RBFOX1: variants seen among roughly 807,000 people sequenced by gnomAD.
The protein encoded by RBFOX1 is RNA binding fox-1 homolog 1.
RBFOX1 carries 8 observed loss-of-function variants against 57.7 expected under a neutral mutation model. That is an observed-to-expected ratio of 0.14 (90% CI 0.08 to 0.25). RBFOX1 has a LOEUF of 0.25. Among genes scored for constraint, RBFOX1 ranks in the 10% least tolerant of loss-of-function variants. The pLI, the probability that RBFOX1 is intolerant of heterozygous loss-of-function variation, is 1.00. For synonymous variants in RBFOX1, 326 were observed against 222.4 expected (o/e 1.47, Z -4.15); for missense variants, 611 against 548.5 (o/e 1.11, Z -1.14).
At chr16:6,634,034 T>C (rs889948683) in intron 2 of RBFOX1, among the ~76,000 whole-genome samples, 1 of 152,042 alleles carries the variant, frequency 6.6e-6, no homozygotes, top group Non-Finnish European at 1.5e-5. Flanking sequence ...CCAGGCTTTG[T>C]GTAAACCGAT....
chr16:6,878,376 G>A (rs2062237683), intron 3 of RBFOX1, among the ~76,000 whole-genome samples: 1 of 152,132 alleles, frequency 6.6e-6, no homozygotes, highest in Non-Finnish European at 1.5e-5. Flanking sequence ...TTATCTCTCT[G>A]ATATGGTGGC....
intron 4 of RBFOX1, among the ~76,000 whole-genome samples, chr16:7,444,880 G>A (rs1223023806): frequency 6.6e-6 from 1 of 152,156 alleles, no homozygotes; most frequent in East Asian, 1.9e-4. Context: ...CTGGGTGAAT[G>A]CAGATAGATA....
intron 1 of RBFOX1, among the ~76,000 whole-genome samples, chr16:6,307,781 T>C (rs1316910535): frequency 6.8e-6 from 1 of 147,290 alleles, no homozygotes; most frequent in Non-Finnish European, 1.5e-5. Flanking sequence ...TTTATATGTT[T>C]ATTTAGATTG....
chr16:7,462,407 C>T (rs1032872750), intron 4 of RBFOX1, among the ~76,000 whole-genome samples: 1 of 152,224 alleles, frequency 6.6e-6, no homozygotes, highest in Non-Finnish European at 1.5e-5. Flanking sequence ...AGGAGAATCA[C>T]TTAAACCCAG....
At chr16:6,367,681 A>T (rs2089853206) in intron 2 of RBFOX1, among the ~76,000 whole-genome samples, 1 of 151,936 alleles carries the variant, frequency 6.6e-6, no homozygotes. Flanking sequence ...TTGCTTTCAT[A>T]GGATGGGAGC....
chr16:6,807,922 A>G (rs955204792), intron 3 of RBFOX1, among the ~76,000 whole-genome samples: 8 of 151,132 alleles, frequency 5.3e-5, no homozygotes, highest in African/African-American at 1.9e-4. Context: ...GTGTATATAT[A>G]TATAGGGTAT....
chr16:5,637,761 C>T (rs1260720433), intron 3 of RBFOX1, among the ~76,000 whole-genome samples: 3 of 152,124 alleles, frequency 2.0e-5, no homozygotes, highest in African/African-American at 7.2e-5. Flanking sequence ...GAAGAGAGAG[C>T]TCACATTCCC....
At chr16:7,172,861 G>C (rs578229402) in intron 4 of RBFOX1, among the ~76,000 whole-genome samples, 1 of 152,138 alleles carries the variant, frequency 6.6e-6, no homozygotes. Context: ...TGGGGAGATG[G>C]TTATCTGCCT....
intron 5 of RBFOX1, among the ~76,000 whole-genome samples, chr16:7,553,991 C>G (rs2087460253): frequency 6.6e-6 from 1 of 152,114 alleles, no homozygotes; most frequent in African/African-American, 2.4e-5. Context: ...CACTTGTAAC[C>G]CAAGCACTTT....
At chr16:7,232,379 G>T (rs72767326) in intron 4 of RBFOX1, among the ~76,000 whole-genome samples, 12,161 of 152,190 alleles carry the variant, frequency 0.08, 499 homozygotes, top group Non-Finnish European at 0.084. Flanking sequence ...GGCAAAAGAT[G>T]CCTATGTCTT....
intron 4 of RBFOX1, among the ~76,000 whole-genome samples, chr16:7,079,058 C>T (rs1365086644): frequency 6.6e-6 from 1 of 151,744 alleles, no homozygotes; most frequent in Middle Eastern, 3.2e-3. Context: ...CATGGTTCAA[C>T]TCATGACAGC....
chr16:7,476,497 A>G (rs2062737862), intron 4 of RBFOX1, among the ~76,000 whole-genome samples: 1 of 152,238 alleles, frequency 6.6e-6, no homozygotes, highest in Non-Finnish European at 1.5e-5. Flanking sequence ...TAGATGGTAT[A>G]ACTTGCCCAG....
At chr16:6,280,720 A>G (rs78289671) in intron 1 of RBFOX1, among the ~76,000 whole-genome samples, 1 of 152,058 alleles carries the variant, frequency 6.6e-6, no homozygotes, top group Non-Finnish European at 1.5e-5. Flanking sequence ...GGTTGGAAAC[A>G]TCACGGTTTA....
At chr16:7,221,962 C>G (rs139107327) in intron 4 of RBFOX1, among the ~76,000 whole-genome samples, 68 of 152,300 alleles carry the variant, frequency 4.5e-4, no homozygotes, top group African/African-American at 1.5e-3. Context: ...AAGTCTTGGT[C>G]TGCTTCTGTG....
chr16:7,579,748 A>T (rs773101680), intron 5 of RBFOX1, 29 bp from the exon 6 acceptor site: 71 of 1,613,598 alleles, frequency 4.4e-5, no homozygotes, highest in Non-Finnish European at 5.8e-5. Flanking sequence ...TCCACTGAGA[A>T]CCTCTTCGGT....
intron 3 of RBFOX1, among the ~76,000 whole-genome samples, chr16:6,900,961 A>G (rs747158561): frequency 6.6e-6 from 1 of 152,194 alleles, no homozygotes; most frequent in Admixed American, 6.5e-5. Context: ...TGTGAATGCC[A>G]TTTAAGATGT....
chr16:6,922,224 G>A (rs1457720159), intron 3 of RBFOX1, among the ~76,000 whole-genome samples: 1 of 152,120 alleles, frequency 6.6e-6, no homozygotes, highest in Non-Finnish European at 1.5e-5. Context: ...AGAGGTCTGA[G>A]GCATTGGCAT....
At chr16:5,303,427 T>C (rs1239433840) in intron 1 of RBFOX1, among the ~76,000 whole-genome samples, 1 of 152,228 alleles carries the variant, frequency 6.6e-6, no homozygotes, top group East Asian at 1.9e-4. Flanking sequence ...TGTCTCTCTC[T>C]AGGGGCTACC....
Position 5,528,545 on chromosome 16 carries a change from CT to C in RBFOX1, c.258+61311del, listed in dbSNP as rs755227280. Among the ~76,000 whole-genome samples, 575 of 115,256 alleles carry C rather than the reference CT, an allele frequency of 5.0e-3. 5 individuals are homozygous for C. Among genetic ancestry groups the C allele is most frequent in the African/African-American group, 0.011 (324 of 30,838 alleles). 75.6% of individuals were successfully genotyped at this position (115,256 alleles called of 152,430 possible). On this transcript the variant is annotated intron_variant, in intron 2 of 2. Coordinates refer to the RBFOX1 transcript ENST00000585867. ...CCTGCATATTCCCCCGACAGCTCTT[CT>C]TTTTTTTTTTTTTTTTTTTCTGGCT...
Sources: allele counts gnomAD v4.1 joint callset (sites outside exome capture counted in the v4.1 genomes callset), GRCh38; gene constraint gnomAD v4.1.1; transcripts MANE v1.5; gene names NCBI Gene and HGNC (gene_info 2026-07-23, HGNC 2026-07-21).